The following FGF10 variants were observed in gnomAD, a reference collection of about 807,000 sequenced individuals.
FGF10 encodes the protein FGF-10.
FGF10 carries 2 observed loss-of-function variants against 19.8 expected under a neutral mutation model. The ratio of observed to expected loss-of-function variants is 0.10; its 90% CI spans 0.04 to 0.32. FGF10 has a LOEUF of 0.32. Among genes scored for constraint, FGF10 ranks in the 10% least tolerant of loss-of-function variants. The pLI, the probability that FGF10 is intolerant of heterozygous loss-of-function variation, is 1.00. For missense variants in FGF10, 191 were observed against 246.3 expected, an observed-to-expected ratio of 0.78 and a Z score of 1.50; for synonymous variants, 112 against 94.0, an observed-to-expected ratio of 1.19 and a Z score of -1.10.
At chr5:44,387,547 G>T (rs565805697) in intron 1 of FGF10, among the ~76,000 whole-genome samples, 18 of 152,198 alleles carry the variant, frequency 1.2e-4, no homozygotes, top group Non-Finnish European at 2.2e-4. Flanking sequence ...TGCTGTAGTA[G>T]TATGGCTCTG....
chr5:44,360,699 G>T (rs1741461165), intron 1 of FGF10, among the ~76,000 whole-genome samples: 1 of 151,594 alleles, frequency 6.6e-6, no homozygotes. Flanking sequence ...AGACTTTAAA[G>T]CATGGGAGCT....
chr5:44,368,754 A>G (rs1350318570), intron 1 of FGF10, among the ~76,000 whole-genome samples: 2 of 152,036 alleles, frequency 1.3e-5, no homozygotes, highest in Admixed American at 6.6e-5. Flanking sequence ...CTGCAGCCTC[A>G]TCCTAAGTGA....
intron 1 of FGF10, among the ~76,000 whole-genome samples, chr5:44,375,369 A>G (rs1741830573): frequency 6.6e-6 from 1 of 152,152 alleles, no homozygotes; most frequent in Admixed American, 6.5e-5. Flanking sequence ...GATGACATCT[A>G]AGTGAAATTT....
chr5:44,366,578 A>C (rs1348630712), intron 1 of FGF10, among the ~76,000 whole-genome samples: 1 of 151,994 alleles, frequency 6.6e-6, no homozygotes, highest in Non-Finnish European at 1.5e-5. Flanking sequence ...GGAGAGATTA[A>C]CAAGCTACCA....
At chr5:44,352,340 C>T (rs1741252942) in intron 1 of FGF10, among the ~76,000 whole-genome samples, 1 of 151,588 alleles carries the variant, frequency 6.6e-6, no homozygotes, top group Non-Finnish European at 1.5e-5. Context: ...ATGCCTGGCC[C>T]TTCATACCTC....
chr5:44,305,668 A>G (rs1265867641), intron 2 of FGF10, among the ~76,000 whole-genome samples: 1 of 152,120 alleles, frequency 6.6e-6, no homozygotes, highest in Non-Finnish European at 1.5e-5. Flanking sequence ...ATACACACAC[A>G]CATTCATAAG....
intron 1 of FGF10, among the ~76,000 whole-genome samples, chr5:44,375,348 G>A (rs1291136080): frequency 6.6e-6 from 1 of 152,102 alleles, no homozygotes; most frequent in Non-Finnish European, 1.5e-5. Context: ...ACAGCAGGAA[G>A]GTTTCCCAGA....
intron 1 of FGF10, among the ~76,000 whole-genome samples, chr5:44,316,788 A>G (rs1740362056): frequency 6.6e-6 from 1 of 152,164 alleles, no homozygotes; most frequent in Non-Finnish European, 1.5e-5. Context: ...TGAATTTGGG[A>G]TTTGTGTACA....
intron 1 of FGF10, among the ~76,000 whole-genome samples, chr5:44,332,053 T>C (rs1740746933): frequency 6.6e-6 from 1 of 152,016 alleles, no homozygotes; most frequent in African/African-American, 2.4e-5. Context: ...TTAAACCCAA[T>C]AGATGTGTAA....
chr5:44,359,771 C>T (rs1361716630), intron 1 of FGF10, among the ~76,000 whole-genome samples: 1 of 151,310 alleles, frequency 6.6e-6, no homozygotes, highest in Non-Finnish European at 1.5e-5. Context: ...CAAGTGAGGG[C>T]TTTGATGGTA....
At chr5:44,348,663 T>C (rs1215759367) in intron 1 of FGF10, among the ~76,000 whole-genome samples, 4 of 146,740 alleles carry the variant, frequency 2.7e-5, no homozygotes, top group Non-Finnish European at 5.9e-5. Flanking sequence ...ATTTAAGATA[T>C]ATAACGAATG....
Position 44,388,422 on chromosome 5 carries a change from C to T in FGF10, c.261G>A (p.Lys87=), listed in dbSNP as rs545941601. Residue 87 remains lysine (K), a synonymous_variant, in exon 1 of 3, where the codon AAG becomes AAA. Coordinates refer to ENST00000264664, the MANE Select transcript of FGF10 (RefSeq NM_004465.2). ...VRWRKLFSFT[K]YFLKIEKNGK... Reference sequence around the variant, plus strand: ...CGTTCTTCTCAATCTTGAGAAAGTACTTGGTGAAAGAGAATAGCTTTCTCC... The same window carrying T: ...CGTTCTTCTCAATCTTGAGAAAGTATTTGGTGAAAGAGAATAGCTTTCTCC... The T allele has an allele frequency of 7.1e-5, 114 of 1,613,918 alleles. 1 individual carries two copies. In the South Asian group the frequency reaches 1.2e-3, roughly 16 times the overall value.
At chr5:44,321,350 G>C (rs1180364091) in intron 1 of FGF10, among the ~76,000 whole-genome samples, 1 of 152,176 alleles carries the variant, frequency 6.6e-6, no homozygotes, top group African/African-American at 2.4e-5. Flanking sequence ...ATGTTGACAA[G>C]GCAACAATGC....
intron 1 of FGF10, among the ~76,000 whole-genome samples, chr5:44,380,688 A>G (rs947649856): frequency 1.3e-5 from 2 of 152,308 alleles, no homozygotes; most frequent in East Asian, 1.9e-4. Flanking sequence ...GTAGAAAAAT[A>G]TAAGTGTTCA....
At chr5:44,310,606 T>C (rs776922938) in intron 1 of FGF10, 76 bp from the exon 2 acceptor site, 5 of 1,103,748 alleles carry the variant, frequency 4.5e-6, no homozygotes, top group Non-Finnish European at 6.7e-6. Flanking sequence ...CAAAAGAAAC[T>C]ATTGAGTTGT....
intron 1 of FGF10, among the ~76,000 whole-genome samples, chr5:44,329,267 C>T (rs952087380): frequency 5.9e-5 from 9 of 152,104 alleles, no homozygotes; most frequent in African/African-American, 2.2e-4. Flanking sequence ...ACCTCTGCCT[C>T]CCGAGTTCAA....
intron 1 of FGF10, among the ~76,000 whole-genome samples, chr5:44,313,860 G>A (rs182281870): frequency 1.0e-3 from 155 of 152,168 alleles, no homozygotes; most frequent in East Asian, 8.7e-3. Flanking sequence ...AGAAGGGTAC[G>A]CTTTTAGAAA....
chr5:44,310,638 A>G (rs1415309782), intron 1 of FGF10, 108 bp from the exon 2 acceptor site: 2 of 770,608 alleles, frequency 2.6e-6, no homozygotes, highest in African/African-American at 1.7e-5. Context: ...TTCTAAAAAC[A>G]AAAGGCACAA....
In FGF10 at chr5:44,358,549, A is replaced by G. The variant is rs1037243137; in HGVS notation, c.325+29809T>C. The stretch of plus-strand genomic sequence containing the variant: ...CTAGCTGCTTTCTTGCTCTGCTAAT[A>G]AAGGTCTCCCTCCAGACTGTTTATG... On this transcript the variant is annotated intron_variant, in intron 1 of 2. Coordinates refer to ENST00000264664, the MANE Select transcript of FGF10 (RefSeq NM_004465.2). Among the ~76,000 whole-genome samples the G allele has an allele frequency of 2.4e-4, 37 of 151,560 alleles. 1 individual carries two copies. Among genetic ancestry groups the G allele is most frequent in the Admixed American group, 6.6e-5 (1 of 15,182 alleles).
Sources: allele counts gnomAD v4.1 joint callset (sites outside exome capture counted in the v4.1 genomes callset), GRCh38; gene constraint gnomAD v4.1.1; transcripts MANE v1.5; gene names NCBI Gene and HGNC (gene_info 2026-07-23, HGNC 2026-07-21).